ZFP1: variants seen among roughly 807,000 people sequenced by gnomAD.
ZFP1 encodes the protein ZFP1 zinc finger protein, also known as zinc finger protein 1 homolog.
Under a neutral mutation model 38.5 loss-of-function variants are expected in ZFP1, and 32 were observed. The ratio of observed to expected loss-of-function variants is 0.83; its 90% CI spans 0.63 to 1.12. The LOEUF is 1.12. Ranked by LOEUF, ZFP1 falls within the 50% of genes most tolerant of loss-of-function variation. The probability of loss-of-function intolerance (pLI) is 0.00; values close to 1 mark genes in which losing one functional copy is unlikely to be tolerated. For missense variants in ZFP1, 616 were observed against 480.8 expected (o/e 1.28, Z -2.63); for synonymous variants, 245 against 168.8 (o/e 1.45, Z -3.50).
chr16:75,152,551 A>G (rs529825978), intron 1 of ZFP1, among the ~76,000 whole-genome samples: 1 of 152,256 alleles, frequency 6.6e-6, no homozygotes, highest in Admixed American at 6.5e-5. Flanking sequence ...CTCTGCTGAA[A>G]TTCCCTATTT....
At chr16:75,159,190 C>G (rs1025374743) in intron 2 of ZFP1, among the ~76,000 whole-genome samples, 12 of 151,724 alleles carry the variant, frequency 7.9e-5, no homozygotes, top group Admixed American at 7.9e-4. Flanking sequence ...CGCCACATGC[C>G]TGGCCTCGTT....
At chr16:75,153,829 C>T (rs118172345) in intron 2 of ZFP1, among the ~76,000 whole-genome samples, 1,706 of 152,266 alleles carry the variant, frequency 0.011, 16 homozygotes, top group Non-Finnish European at 0.02. Context: ...CTGAAAATCC[C>T]GTGCTCCGCC....
At chr16:75,136,311 A>T in the ZFP1 span, among the ~76,000 whole-genome samples, 1 of 152,210 alleles carries the variant, frequency 6.6e-6, no homozygotes, top group Non-Finnish European at 1.5e-5. Context: ...AAGGAACTAC[A>T]TGTCAGTACT....
intron 2 of ZFP1, among the ~76,000 whole-genome samples, chr16:75,153,627 C>A (rs2037320417): frequency 6.6e-6 from 1 of 152,060 alleles, no homozygotes; most frequent in Non-Finnish European, 1.5e-5. Flanking sequence ...CATTCCCAAC[C>A]CCTACCCCCA....
chr16:75,149,632 T>G (rs2037083868), intron 1 of ZFP1, among the ~76,000 whole-genome samples: 1 of 141,770 alleles, frequency 7.1e-6, no homozygotes, highest in African/African-American at 2.6e-5. Context: ...TGATCTCGGC[T>G]CACTGCAACC....
chr16:75,124,652 C>T, the ZFP1 span, among the ~76,000 whole-genome samples: 139,981 of 150,094 alleles, frequency 0.93, 65,412 homozygotes, highest in African/African-American at 0.98. Flanking sequence ...CTGGACGTGG[C>T]GGCAGGCGCC....
chr16:75,153,589 G>A (rs933256939), intron 2 of ZFP1, among the ~76,000 whole-genome samples: 1 of 152,088 alleles, frequency 6.6e-6, no homozygotes, highest in Admixed American at 6.6e-5. Flanking sequence ...ATTGAATGGG[G>A]AATGCAGTGT....
At chr16:75,158,264 G>T (rs2037568019) in intron 2 of ZFP1, among the ~76,000 whole-genome samples, 1 of 151,830 alleles carries the variant, frequency 6.6e-6, no homozygotes, top group Non-Finnish European at 1.5e-5. Context: ...CTGTTGCCCA[G>T]GGTGGAATTT....
At chr16:75,146,115 C>G (rs1375869002), upstream of ZFP1, among the ~76,000 whole-genome samples, 1 of 152,114 alleles carries the variant, frequency 6.6e-6, no homozygotes, top group Non-Finnish European at 1.5e-5. Flanking sequence ...AGGGAACTCT[C>G]CTGTCTCATT....
intron 2 of ZFP1, among the ~76,000 whole-genome samples, chr16:75,164,000 G>T (rs562289825): frequency 2.0e-5 from 3 of 152,288 alleles, no homozygotes; most frequent in African/African-American, 7.2e-5. Context: ...TTTGTGTGGG[G>T]TATCCATGCT....
the ZFP1 span, among the ~76,000 whole-genome samples, chr16:75,130,538 G>A: frequency 6.6e-6 from 1 of 152,124 alleles, no homozygotes; most frequent in Non-Finnish European, 1.5e-5. Context: ...TTCTTAGTAC[G>A]CATGCTCAAG....
upstream of ZFP1, among the ~76,000 whole-genome samples, chr16:75,145,859 G>A (rs1293329584): frequency 6.6e-6 from 1 of 152,208 alleles, no homozygotes; most frequent in Non-Finnish European, 1.5e-5. Flanking sequence ...TGGGTATTAA[G>A]AGGGCAGGGT....
At chr16:75,121,377 G>T in the ZFP1 span, among the ~76,000 whole-genome samples, 3 of 151,756 alleles carry the variant, frequency 2.0e-5, no homozygotes, top group Non-Finnish European at 4.4e-5. Context: ...CGCCCACCTC[G>T]GCCCCCCAAA....
chr16:75,144,661 C>T (rs562813577), upstream of ZFP1, among the ~76,000 whole-genome samples: 1 of 152,268 alleles, frequency 6.6e-6, no homozygotes, highest in Admixed American at 6.5e-5. Flanking sequence ...TTCTCATTAT[C>T]CCAAACAGAA....
chr16:75,122,204 G>T, the ZFP1 span, among the ~76,000 whole-genome samples: 2 of 152,248 alleles, frequency 1.3e-5, no homozygotes, highest in Admixed American at 6.5e-5. Context: ...TATTCCTCAT[G>T]CAGGTAGCCC....
rs750524167 is a variant in ZFP1 at position 75,169,902 on chromosome 16, G to A, written c.792G>A (p.Glu264=). 1.3e-5 allele frequency: 21 copies of A among 1,614,106 alleles called. No individual in the cohort carries two copies. In the South Asian group the frequency reaches 2.1e-4, roughly 16 times the overall value. The change falls in exon 4 of 4, where the codon GAG becomes GAA. Residue 264 remains glutamate, a synonymous_variant. Coordinates refer to ENST00000570010, the MANE Select transcript of ZFP1 (RefSeq NM_153688.4). ...NLIVHQRAHM[E]KKPYECSECG... ...TTGTACACCAGAGAGCACATATGGA[G>A]AAGAAGCCCTATGAGTGCAGTGAAT... is the stretch of plus-strand genomic sequence containing the variant.
chr16:75,120,127 T>C, the ZFP1 span, among the ~76,000 whole-genome samples: 2 of 152,314 alleles, frequency 1.3e-5, no homozygotes, highest in Non-Finnish European at 2.9e-5. Context: ...ACATCGAAGA[T>C]GTGCATGTGT....
chr16:75,167,351 C>CA (rs2038148556), intron 3 of ZFP1, among the ~76,000 whole-genome samples: 1 of 152,012 alleles, frequency 6.6e-6, no homozygotes, highest in South Asian at 2.1e-4. Flanking sequence ...ACCTGTACCT[C>CA]AATCTCTGAA....
chr16:75,149,935 C>G (rs1396425106), intron 1 of ZFP1, among the ~76,000 whole-genome samples: 1 of 152,090 alleles, frequency 6.6e-6, no homozygotes, highest in Non-Finnish European at 1.5e-5. Flanking sequence ...CAGGCACCCG[C>G]CACTACACCT....
Sources: allele counts gnomAD v4.1 joint callset (sites outside exome capture counted in the v4.1 genomes callset), GRCh38; gene constraint gnomAD v4.1.1; transcripts MANE v1.5; gene names NCBI Gene and HGNC (gene_info 2026-07-23, HGNC 2026-07-21).